Variants in GLRX3 observed in about 807,000 individuals in gnomAD.
The protein encoded by GLRX3 is glutaredoxin-3.
Under a neutral mutation model 49.5 loss-of-function variants are expected in GLRX3, and 22 were observed. The ratio of observed to expected loss-of-function variants is 0.44; its 90% CI spans 0.32 to 0.63. The LOEUF is 0.63. GLRX3 is among the 30% of genes least tolerant of loss of function. The pLI, the probability that GLRX3 is intolerant of heterozygous loss-of-function variation, is 0.05. For missense variants in GLRX3, 385 were observed against 396.3 expected, an observed-to-expected ratio of 0.97 and a Z score of 0.24; for synonymous variants, 133 against 140.0, an observed-to-expected ratio of 0.95 and a Z score of 0.35.
At chr10:130,169,265 A>C (rs1193874166) in intron 6 of GLRX3, among the ~76,000 whole-genome samples, 168 bp from the exon 7 acceptor site, 1 of 152,204 alleles carries the variant, frequency 6.6e-6, no homozygotes, top group African/African-American at 2.4e-5. Flanking sequence ...TGGCTTAGGG[A>C]GAGAATGAAA....
At chr10:130,147,193 G>A (rs1028862758) in intron 2 of GLRX3, among the ~76,000 whole-genome samples, 1 of 152,076 alleles carries the variant, frequency 6.6e-6, no homozygotes, top group Admixed American at 6.5e-5. Flanking sequence ...TAATAGAAGG[G>A]GGCATTAAAA....
At chr10:130,157,382 G>A (rs1409077917) in intron 2 of GLRX3, among the ~76,000 whole-genome samples, 2 of 151,234 alleles carry the variant, frequency 1.3e-5, no homozygotes, top group East Asian at 3.9e-4. Context: ...CGGAGGAGAG[G>A]GAGGGAGAGA....
chr10:130,154,169 C>T (rs1862432488), intron 2 of GLRX3, among the ~76,000 whole-genome samples: 2 of 152,154 alleles, frequency 1.3e-5, no homozygotes, highest in African/African-American at 4.8e-5. Flanking sequence ...CCTGGTCTGC[C>T]AGTTGCAAAG....
chr10:130,145,232 C>T lies in GLRX3; in HGVS notation c.114C>T (p.Phe38=). 1 of 1,488,134 alleles carries T rather than the reference C, an allele frequency of 6.7e-7. No individual in the cohort carries two copies. The highest frequency in any genetic ancestry group is 1.2e-5 in the South Asian group (1 of 82,424). 92.2% of individuals were successfully genotyped at this position (1,488,134 alleles called of 1,614,324 possible). Residue 38 remains phenylalanine (F), a synonymous_variant, in exon 2 of 11, where the codon TTC becomes TTT. Coordinates refer to ENST00000331244, the MANE Select transcript of GLRX3 (RefSeq NM_006541.5). ...LKAKSLLVVH[F]WAPWAPQCAQ... ...ACAGGTCCCTCCTTGTGGTCCATTT[C>T]TGGGCACCATGGGCTCCACAGTGTG... is the stretch of plus-strand genomic sequence containing the variant.
At position 130,153,749 on chromosome 10, in the gene GLRX3, G is replaced by A. The variant is rs527293000; in HGVS notation, c.202-6246G>A. 1.6e-4 allele frequency among the ~76,000 whole-genome samples: 25 copies of A among 152,234 alleles called. No individual in the cohort carries two copies. The South Asian group carries it at 3.7e-3, about 23-fold the overall frequency. Reference sequence around the variant, plus strand: ...GAGGTGTCTCCCAGTGAGGCTATACGGGGGTCAGGGACCCACTTGAGGAGG... The same window carrying A: ...GAGGTGTCTCCCAGTGAGGCTATACAGGGGTCAGGGACCCACTTGAGGAGG... On this transcript the variant is annotated intron_variant, in intron 2 of 10. Transcript: ENST00000331244.
Position 130,151,055 on chromosome 10 carries a change from G to A in GLRX3, c.201+5736G>A, listed in dbSNP as rs976918560. ...GAATTCTCCTGCCTCAGCCTCCTGA[G>A]TAGCTGGGATTACAGGTGTGTGCCA... On this transcript the variant is annotated intron_variant, in intron 2 of 10. Transcript: ENST00000331244. Among the ~76,000 whole-genome samples the A allele has an allele frequency of 2.6e-5, 4 of 151,848 alleles. No homozygotes were observed. In the South Asian group the frequency reaches 8.3e-4, roughly 32 times the overall value.
Position 130,166,570 on chromosome 10 carries a change from T to G in GLRX3, c.542T>G (p.Ile181Ser). The G allele has an allele frequency of 6.2e-7, 1 of 1,611,556 alleles. No individual in the cohort carries two copies. The highest frequency in any genetic ancestry group is 8.5e-7 in the Non-Finnish European group (1 of 1,177,660). Reference sequence around the variant, plus strand: ...AATATTCAGTTTAGCAGTTTTGATATCTTCTCAGATGAAGAGGTTCGACAG... The same window carrying G: ...AATATTCAGTTTAGCAGTTTTGATAGCTTCTCAGATGAAGAGGTTCGACAG... ...KHNIQFSSFDIFSDEEVRQGL... is the reference protein window; with the variant it reads ...KHNIQFSSFDSFSDEEVRQGL... The change falls in exon 5 of 11, where the codon ATC becomes AGC. Residue 181 changes from isoleucine (I) to serine (S), a missense_variant. Transcript: ENST00000331244.
At chr10:130,173,631 A>G (rs909097070) in intron 8 of GLRX3, among the ~76,000 whole-genome samples, 2 of 152,226 alleles carry the variant, frequency 1.3e-5, no homozygotes, top group African/African-American at 4.8e-5. Flanking sequence ...ACTTGGGCCC[A>G]GTGCTTCCTG....
chr10:130,165,862 A>G (rs1383309915), intron 4 of GLRX3, among the ~76,000 whole-genome samples: 1 of 152,174 alleles, frequency 6.6e-6, no homozygotes, highest in Non-Finnish European at 1.5e-5. Context: ...TCATAACAGA[A>G]AGGCTGGGAG....
rs202145998 is a variant in GLRX3, at chr10:130,160,880, T to C, written c.361T>C (p.Phe121Leu). 6.2e-7 allele frequency: 1 copy of C among 1,611,696 alleles called. No individual in the cohort carries two copies. The highest frequency in any genetic ancestry group is 8.5e-7 in the Non-Finnish European group (1 of 1,177,790). ...TCAGCGACATGCATCTAGTGGCTCC[T>C]TCCTACCCAGCGCTAATGAACATCT... is the stretch of plus-strand genomic sequence containing the variant. ...KVQRHASSGS[F>L]LPSANEHLKE... The change falls in exon 4 of 11, where the codon TTC becomes CTC. Residue 121 changes from phenylalanine (F) to leucine (L), a missense_variant. Coordinates refer to ENST00000331244, the MANE Select transcript of GLRX3 (RefSeq NM_006541.5).
At chr10:130,151,109 G>A (rs1862368370) in intron 2 of GLRX3, among the ~76,000 whole-genome samples, 1 of 151,992 alleles carries the variant, frequency 6.6e-6, no homozygotes, top group Non-Finnish European at 1.5e-5. Flanking sequence ...TGTATTTTTA[G>A]TAGAGACGGG....
At chr10:130,148,479 C>T (rs1862310763) in intron 2 of GLRX3, among the ~76,000 whole-genome samples, 1 of 110,820 alleles carries the variant, frequency 9.0e-6, no homozygotes, top group Non-Finnish European at 1.8e-5. Flanking sequence ...AATGGTTTGG[C>T]ATTTTTGGCT....
At chr10:130,145,653 C>T (rs1028750755) in intron 2 of GLRX3, among the ~76,000 whole-genome samples, 11 of 151,730 alleles carry the variant, frequency 7.2e-5, no homozygotes, top group African/African-American at 1.5e-4. Flanking sequence ...CAGAGCGAGA[C>T]GCTGTCTCTA....
intron 2 of GLRX3, among the ~76,000 whole-genome samples, chr10:130,147,185 A>G (rs1862286020): frequency 6.6e-6 from 1 of 152,248 alleles, no homozygotes; most frequent in African/African-American, 2.4e-5. Flanking sequence ...AATATAAATA[A>G]TAGAAGGGGG....
At chr10:130,171,121 A>AAAATAAATAAATAAAT (rs371772527) in intron 7 of GLRX3, among the ~76,000 whole-genome samples, 26 of 151,256 alleles carry the variant, frequency 1.7e-4, no homozygotes, top group African/African-American at 6.3e-4. Context: ...TCTGTCTCAA[A>AAAATAAATAAATAAAT]AAATAAATAA....
intron 2 of GLRX3, among the ~76,000 whole-genome samples, chr10:130,148,433 CTTT>C (rs57482969): frequency 4.0e-4 from 28 of 70,580 alleles, no homozygotes; most frequent in African/African-American, 7.9e-4. Flanking sequence ...GCCCTTCAGT[CTTT>C]TTTTTTTTTT....
chr10:130,148,974 C>CT (rs913230950), intron 2 of GLRX3, among the ~76,000 whole-genome samples: 4 of 152,056 alleles, frequency 2.6e-5, no homozygotes, highest in African/African-American at 9.7e-5. Flanking sequence ...GGGAGGATTG[C>CT]TTAAGTCCAG....
At chr10:130,160,689 CT>C in intron 3 of GLRX3, 106 bp from the exon 4 acceptor site, 5 of 684,802 alleles carry the variant, frequency 7.3e-6, no homozygotes, top group South Asian at 3.5e-5. Context: ...ATGAGGGTTT[CT>C]TTTTTTACAT....
rs184798092 is a variant in GLRX3 at position 130,163,377 on chromosome 10, G to A, written c.478+2380G>A. ...GCAGAGGTTGCAGTGAGCCGAGATC[G>A]AGCCACTGCACTCCAGTATGGGTGA... is the stretch of plus-strand genomic sequence containing the variant. On this transcript the variant is annotated intron_variant, in intron 4 of 10. Transcript: ENST00000331244. Among the ~76,000 whole-genome samples, 362 of 152,272 alleles carry A rather than the reference G, an allele frequency of 2.4e-3. 3 individuals are homozygous for A. Among genetic ancestry groups the A allele is most frequent in the African/African-American group, 7.4e-3 (308 of 41,550 alleles).
Sources: allele counts gnomAD v4.1 joint callset (sites outside exome capture counted in the v4.1 genomes callset), GRCh38; gene constraint gnomAD v4.1.1; transcripts MANE v1.5; gene names NCBI Gene and HGNC (gene_info 2026-07-23, HGNC 2026-07-21).